Variants in AKAP6 observed in about 807,000 individuals in gnomAD.
AKAP6 encodes the protein A-kinase anchoring protein 6.
AKAP6 carries 58 observed loss-of-function variants against 188.5 expected under a neutral mutation model. The observed-to-expected ratio is 0.31, with a 90% CI of 0.25 to 0.38. AKAP6 has a LOEUF of 0.38. Among genes scored for constraint, AKAP6 ranks in the 10% least tolerant of loss-of-function variants. AKAP6 has a pLI of 1.00. For synonymous variants in AKAP6, 989 were observed against 998.6 expected, an observed-to-expected ratio of 0.99 and a Z score of 0.18; for missense variants, 2,710 against 2,740.0, an observed-to-expected ratio of 0.99 and a Z score of 0.24.
rs554762273 is a variant in AKAP6, at chr14:32,505,150, TCAA to T, written c.325-30403_325-30401del. Among the ~76,000 whole-genome samples, 38 of 152,234 alleles carry T rather than the reference TCAA, an allele frequency of 2.5e-4. No homozygotes were observed. The East Asian group carries it at 6.9e-3, about 28-fold the overall frequency. ...TTTTTCCAGATAGGCACAGCAAACT[TCAA>T]ATAACATAATCATAACTCTTAGAGC... is the stretch of plus-strand genomic sequence containing the variant. On this transcript the variant is annotated intron_variant, in intron 2 of 13. Coordinates refer to ENST00000280979, the MANE Select transcript of AKAP6 (RefSeq NM_004274.5).
intron 2 of AKAP6, among the ~76,000 whole-genome samples, chr14:32,472,221 T>A (rs1213960149): frequency 6.6e-6 from 1 of 152,050 alleles, no homozygotes; most frequent in Admixed American, 6.6e-5. Flanking sequence ...TCCCCCAGGC[T>A]TTATACCTCC....
chr14:32,499,604 C>T (rs554189722), intron 2 of AKAP6, among the ~76,000 whole-genome samples: 2 of 151,830 alleles, frequency 1.3e-5, no homozygotes, highest in South Asian at 4.2e-4. Context: ...CAGAATAGAA[C>T]TTGGATAACA....
At chr14:32,729,544 G>A (rs4982000) in intron 9 of AKAP6, among the ~76,000 whole-genome samples, 151,044 of 152,222 alleles carry the variant, frequency 0.99, 74,949 homozygotes, top group Middle Eastern at 1. Flanking sequence ...GTTTTTCTTT[G>A]TATTTATATA....
chr14:32,515,727 C>T (rs2139039364), intron 2 of AKAP6, among the ~76,000 whole-genome samples: 1 of 152,226 alleles, frequency 6.6e-6, no homozygotes, highest in African/African-American at 2.4e-5. Context: ...GATCTAGATA[C>T]ATTTTTTGCT....
At chr14:32,590,787 A>G (rs955135099) in intron 5 of AKAP6, among the ~76,000 whole-genome samples, 1 of 152,198 alleles carries the variant, frequency 6.6e-6, no homozygotes, top group African/African-American at 2.4e-5. Flanking sequence ...GTTAACTCCG[A>G]TATTTGAATG....
intron 1 of AKAP6, among the ~76,000 whole-genome samples, chr14:32,375,501 A>C (rs1012057756): frequency 1.0e-4 from 6 of 58,302 alleles, no homozygotes; most frequent in Non-Finnish European, 1.7e-4. Context: ...TAGAGTAAGC[A>C]AAAAAAAAAA....
chr14:32,686,039 A>C (rs1889910789), intron 8 of AKAP6, among the ~76,000 whole-genome samples: 1 of 152,240 alleles, frequency 6.6e-6, no homozygotes, highest in African/African-American at 2.4e-5. Flanking sequence ...AAGCAACTTA[A>C]GTGTCCATCA....
intron 7 of AKAP6, among the ~76,000 whole-genome samples, chr14:32,639,384 G>A (rs1039322292): frequency 6.6e-6 from 1 of 152,078 alleles, no homozygotes. Flanking sequence ...AAGAGCTAAT[G>A]ATTAATTGTC....
At chr14:32,637,567 A>G (rs188441660) in intron 7 of AKAP6, among the ~76,000 whole-genome samples, 114 of 152,222 alleles carry the variant, frequency 7.5e-4, no homozygotes, top group African/African-American at 2.5e-3. Context: ...AATCAAGTCA[A>G]GAGTCCAGAA....
At chr14:32,377,122 C>T (rs1445416413) in intron 1 of AKAP6, among the ~76,000 whole-genome samples, 1 of 152,232 alleles carries the variant, frequency 6.6e-6, no homozygotes, top group Non-Finnish European at 1.5e-5. Flanking sequence ...CTGGAAACAT[C>T]ACTTTTCCTA....
chr14:32,400,115 C>G (rs555273681), intron 1 of AKAP6, among the ~76,000 whole-genome samples: 182 of 152,114 alleles, frequency 1.2e-3, no homozygotes, highest in Middle Eastern at 0.01. Context: ...ATCTGTATCT[C>G]AAACCCACAT....
chr14:32,628,719 C>T (rs1594794924), intron 7 of AKAP6, among the ~76,000 whole-genome samples: 3 of 151,772 alleles, frequency 2.0e-5, no homozygotes, highest in African/African-American at 7.2e-5. Flanking sequence ...CCTTTCTCTG[C>T]AACTCAATGG....
chr14:32,750,895 C>T (rs368444627), intron 11 of AKAP6, among the ~76,000 whole-genome samples: 92 of 151,754 alleles, frequency 6.1e-4, no homozygotes, highest in African/African-American at 1.5e-3. Flanking sequence ...CCACCATGCC[C>T]GGCTAATTTT....
In AKAP6 at chr14:32,633,136, C is replaced by G. The variant is rs537137274; in HGVS notation, c.2730+32344C>G. 2.7e-3 allele frequency among the ~76,000 whole-genome samples: 409 copies of G among 152,120 alleles called. 2 individuals are homozygous for G. Among genetic ancestry groups the G allele is most frequent in the Non-Finnish European group, 4.5e-3 (306 of 67,966 alleles). ...AAACAGTATAAAGGATTCATATCCA[C>G]CTCATCAATTCATATAAACTGTCTT... On this transcript the variant is annotated intron_variant, in intron 7 of 13. Coordinates refer to ENST00000280979, the MANE Select transcript of AKAP6 (RefSeq NM_004274.5).
intron 10 of AKAP6, 117 bp downstream of exon 10, chr14:32,732,717 C>A (rs769174479): frequency 2.5e-6 from 3 of 1,186,162 alleles, no homozygotes; most frequent in East Asian, 2.4e-5. Flanking sequence ...TCACTACCTA[C>A]GTTTCAAACA....
chr14:32,776,604 T>C (rs189723406), intron 12 of AKAP6, among the ~76,000 whole-genome samples: 2 of 152,360 alleles, frequency 1.3e-5, no homozygotes, highest in Admixed American at 1.3e-4. Context: ...CAAATAAGTA[T>C]TTGCTGAATG....
intron 4 of AKAP6, among the ~76,000 whole-genome samples, chr14:32,563,446 G>C (rs1234000051): frequency 6.6e-6 from 1 of 152,164 alleles, no homozygotes; most frequent in African/African-American, 2.4e-5. Flanking sequence ...CTCAATAAAT[G>C]TTAGCTCTTG....
At chr14:32,615,056 C>A (rs903029578) in intron 7 of AKAP6, among the ~76,000 whole-genome samples, 1 of 150,798 alleles carries the variant, frequency 6.6e-6, no homozygotes, top group Non-Finnish European at 1.5e-5. Flanking sequence ...GTAGTCCTAG[C>A]TACTTGGGAG....
At chr14:32,584,677 CTGCTT>C (rs1885148388) in intron 5 of AKAP6, among the ~76,000 whole-genome samples, 1 of 151,296 alleles carries the variant, frequency 6.6e-6, no homozygotes, top group Admixed American at 6.5e-5. Context: ...AATCCTTGAT[CTGCTT>C]TATGACACTA....
Sources: gnomAD v4.1 joint callset for allele counts (sites outside exome capture counted in the v4.1 genomes callset) on GRCh38, gnomAD v4.1.1 for gene constraint, MANE v1.5 for transcripts, NCBI Gene and HGNC (gene_info 2026-07-23, HGNC 2026-07-21) for gene names.